The following ZNF664 variants were observed in gnomAD, a reference collection of about 807,000 sequenced individuals.
The protein encoded by ZNF664 is zinc finger protein 664.
A neutral mutation model predicts 18.2 loss-of-function variants in ZNF664; 10 were observed. That is an observed-to-expected ratio of 0.55 (90% confidence interval 0.34 to 0.93). The LOEUF is 0.93. Among genes scored for constraint, ZNF664 ranks in the 40% least tolerant of loss-of-function variants. ZNF664 has a pLI of 0.02. For synonymous variants in ZNF664, 119 were observed against 104.2 expected (o/e 1.14, Z -0.86); for missense variants, 193 against 319.0 (o/e 0.61, Z 3.01).
chr12:123,979,823 A>G (rs1956740971), intron 2 of ZNF664, among the ~76,000 whole-genome samples: 2 of 152,022 alleles, frequency 1.3e-5, no homozygotes, highest in Admixed American at 1.3e-4. Context: ...CCACACACAC[A>G]CACACACACC....
intron 2 of ZNF664, among the ~76,000 whole-genome samples, chr12:123,977,707 T>A (rs4765528): frequency 0.28 from 42,564 of 152,046 alleles, 6,149 homozygotes; most frequent in Middle Eastern, 0.34. Context: ...TTATGAGTAA[T>A]GAGGTGAGAC....
At chr12:123,994,373 G>A (rs1241489779) in intron 3 of ZNF664, among the ~76,000 whole-genome samples, 1 of 152,152 alleles carries the variant, frequency 6.6e-6, no homozygotes. Context: ...GTTTTATGAA[G>A]ATACTTACTA....
intron 2 of ZNF664, among the ~76,000 whole-genome samples, chr12:123,983,474 C>A (rs1254578779): frequency 6.6e-6 from 1 of 152,192 alleles, no homozygotes; most frequent in East Asian, 1.9e-4. Context: ...CCTGAAAGTT[C>A]ATAAAATAAT....
chr12:124,001,631 A>G (rs1235382481), intron 3 of ZNF664, among the ~76,000 whole-genome samples: 1 of 152,242 alleles, frequency 6.6e-6, no homozygotes, highest in Non-Finnish European at 1.5e-5. Context: ...ACCCCTGACC[A>G]GGTCAGCCTC....
At chr12:124,004,830 T>C (rs918916281) in intron 3 of ZNF664, 17 of 155,814 alleles carry the variant, frequency 1.1e-4, no homozygotes, top group Non-Finnish European at 2.0e-4. Flanking sequence ...ACGCTCCTTA[T>C]GCGAATCTAA....
At chr12:123,973,378 G>T (rs1296428115) in intron 1 of ZNF664, 26 bp downstream of exon 1, 1 of 962,688 alleles carries the variant, frequency 1.0e-6, no homozygotes, top group Non-Finnish European at 1.2e-6. Flanking sequence ...CCGGGCTGCA[G>T]TCTTTCTTTC....
chr12:124,005,138 C>T (rs551959123), intron 3 of ZNF664, among the ~76,000 whole-genome samples: 43 of 152,248 alleles, frequency 2.8e-4, no homozygotes, highest in African/African-American at 1.0e-3. Context: ...TCCTGGCTTC[C>T]ATTTTATTAT....
intron 2 of ZNF664, among the ~76,000 whole-genome samples, chr12:123,985,309 T>A (rs1956811374): frequency 1.3e-5 from 2 of 152,216 alleles, no homozygotes; most frequent in African/African-American, 4.8e-5. Flanking sequence ...TTCATGTAAC[T>A]TTTGTGCCAC....
In ZNF664 at chr12:123,985,415, TG is replaced by T. The variant is rs1451348217; in HGVS notation, c.-756-2627del. Among the ~76,000 whole-genome samples, 20 of 152,316 alleles carry T rather than the reference TG, an allele frequency of 1.3e-4. No homozygotes were observed. In the East Asian group the frequency reaches 3.9e-3, roughly 29 times the overall value. On this transcript the variant is annotated intron_variant, in intron 2 of 4. Coordinates refer to ENST00000337815, the MANE Select transcript of ZNF664 (RefSeq NM_152437.3). ...GGGAGTTCTTGCAGGAGAGAGTAAA[TG>T]TGACTGATTTTTGATTTACTATTCT... is the stretch of plus-strand genomic sequence containing the variant.
chr12:123,978,707 A>G (rs906991365), intron 2 of ZNF664, among the ~76,000 whole-genome samples: 1 of 152,306 alleles, frequency 6.6e-6, no homozygotes, highest in East Asian at 1.9e-4. Flanking sequence ...CCAAAAAATG[A>G]CAAACGTTTT....
intron 3 of ZNF664, among the ~76,000 whole-genome samples, chr12:124,001,708 T>C (rs866758131): frequency 4.6e-5 from 7 of 152,214 alleles, no homozygotes; most frequent in Non-Finnish European, 7.4e-5. Flanking sequence ...TCACATAGAT[T>C]TATTTGACAT....
At chr12:124,003,025 G>A (rs1957031289) in intron 3 of ZNF664, among the ~76,000 whole-genome samples, 1 of 152,170 alleles carries the variant, frequency 6.6e-6, no homozygotes, top group African/African-American at 2.4e-5. Context: ...GGTGTTTCCA[G>A]CCCTGTCTTG....
intron 2 of ZNF664, among the ~76,000 whole-genome samples, chr12:123,979,974 A>G (rs1002698578): frequency 2.0e-5 from 3 of 152,184 alleles, no homozygotes; most frequent in African/African-American, 7.2e-5. Context: ...ATGAGCCACC[A>G]TGTCTAGCCT....
chr12:124,006,963 CTG>C (rs1346505632), intron 3 of ZNF664, among the ~76,000 whole-genome samples: 1 of 152,136 alleles, frequency 6.6e-6, no homozygotes, highest in Non-Finnish European at 1.5e-5. Context: ...TCTGTGAGCT[CTG>C]TGGGGTTCCA....
In ZNF664 at chr12:124,011,454, G is replaced by A. The variant is rs1957135301; in HGVS notation, c.-600+13G>A. On this transcript the variant is annotated intron_variant, in intron 4 of 4. Transcript: ENST00000337815. ...AAGACCAAAAAAGGTTTGTGTTACT[G>A]CTGTCACATTTATATAAAATTAATT... 1 of 803,564 alleles carries A rather than the reference G, an allele frequency of 1.2e-6. No individual in the cohort carries two copies. The highest frequency in any genetic ancestry group is 1.9e-5 in the African/African-American group (1 of 52,994). 49.8% of individuals were successfully genotyped at this position (803,564 alleles called of 1,614,324 possible). A position where few individuals can be genotyped will look rare whatever the true frequency, so the allele number is the denominator to read the frequency against.
intron 3 of ZNF664, chr12:124,003,685 T>C (rs1594569572): frequency 6.6e-6 from 1 of 152,220 alleles, no homozygotes; most frequent in Admixed American, 6.5e-5. Flanking sequence ...CGTGAGCCAA[T>C]GCGCCCAGCC....
intron 3 of ZNF664, among the ~76,000 whole-genome samples, chr12:123,994,790 T>C (rs1347376836): frequency 6.6e-6 from 1 of 152,238 alleles, no homozygotes; most frequent in Non-Finnish European, 1.5e-5. Context: ...TGGTCTCTCT[T>C]ACACTCTGAA....
chr12:123,989,907 A>G (rs1956869932), intron 3 of ZNF664, among the ~76,000 whole-genome samples: 3 of 152,350 alleles, frequency 2.0e-5, no homozygotes, highest in Middle Eastern at 3.4e-3. Context: ...GATTCTCATC[A>G]TCTCTGTTGA....
At chr12:123,995,593 T>C (rs917655798) in intron 3 of ZNF664, among the ~76,000 whole-genome samples, 1 of 152,244 alleles carries the variant, frequency 6.6e-6, no homozygotes, top group African/African-American at 2.4e-5. Flanking sequence ...GTGGTAACTA[T>C]GTAAAATTCT....
Sources: allele counts gnomAD v4.1 joint callset (sites outside exome capture counted in the v4.1 genomes callset), GRCh38; gene constraint gnomAD v4.1.1; transcripts MANE v1.5; gene names NCBI Gene and HGNC (gene_info 2026-07-23, HGNC 2026-07-21).